Variants in XRN1 observed in about 807,000 individuals in gnomAD.
XRN1 encodes strand-exchange protein 1 homolog.
XRN1 carries 67 observed loss-of-function variants against 222.3 expected under a neutral mutation model. The ratio of observed to expected loss-of-function variants is 0.30; its 90% CI spans 0.25 to 0.37. The LOEUF (loss-of-function observed/expected upper bound fraction) is 0.37. XRN1 is among the 10% of genes least tolerant of loss of function. XRN1 has a pLI of 1.00. For synonymous variants in XRN1, 643 were observed against 652.4 expected (o/e 0.99, Z 0.22); for missense variants, 1,707 against 2,000.2 (o/e 0.85, Z 2.80).
chr3:142,431,932 AT>A (rs1469237549), intron 2 of XRN1, among the ~76,000 whole-genome samples: 1 of 95,188 alleles, frequency 1.1e-5, no homozygotes, highest in Non-Finnish European at 1.9e-5. Flanking sequence ...AATATAATAT[AT>A]TGTATATATT....
intron 20 of XRN1, among the ~76,000 whole-genome samples, chr3:142,391,729 G>A (rs1366361728): frequency 2.7e-4 from 29 of 106,284 alleles, no homozygotes; most frequent in Admixed American, 5.8e-4. Context: ...GTAAGACCCC[G>A]TCTCACTAAA....
rs889806976 is a variant in XRN1 at position 142,397,320 on chromosome 3, G to A, written c.2339+9C>T. 8.3e-6 allele frequency: 13 copies of A among 1,570,638 alleles called. No homozygotes were observed. Among genetic ancestry groups the A allele is most frequent in the South Asian group, 1.2e-5 (1 of 82,762 alleles). On this transcript the variant is annotated intron_variant, in intron 20 of 40. Coordinates refer to ENST00000392981, the MANE Select transcript of XRN1 (RefSeq NM_001282857.2). Reference sequence around the variant, plus strand: ...TTCCATGATATTAAATACTTTTAACGATACTCACTGTTCTGAAATTCCTTG... The same window carrying A: ...TTCCATGATATTAAATACTTTTAACAATACTCACTGTTCTGAAATTCCTTG...
intron 1 of XRN1, among the ~76,000 whole-genome samples, chr3:142,436,748 A>G (rs1296217932): frequency 2.0e-5 from 3 of 152,202 alleles, no homozygotes; most frequent in East Asian, 3.8e-4. Context: ...AATATATATC[A>G]TCAAGTGACA....
chr3:142,328,035 GTA>G (rs2065569591), intron 37 of XRN1, among the ~76,000 whole-genome samples: 1 of 152,084 alleles, frequency 6.6e-6, no homozygotes, highest in South Asian at 2.1e-4. Flanking sequence ...ATTCCATTGT[GTA>G]TATATACACC....
rs1293240092 is a variant in XRN1 at position 142,414,232 on chromosome 3, T to C, written c.1496A>G (p.Lys499Arg). The change falls in exon 14 of 41, where the codon AAA (lysine) becomes AGA (arginine). Residue 499 changes from lysine to arginine, a missense_variant. Lys to Arg is a conservative substitution (Grantham distance 26). This residue lies in a region of XRN1 where 1,234 missense variants were observed against 1,518.2 expected (regional missense o/e 0.81). Coordinates refer to ENST00000392981, the MANE Select transcript of XRN1 (RefSeq NM_001282857.2). ...AGGTTTTCCTAGTTCAAAATGGATTTTGAGTGTACTGATGTTGTGTATATC... is the reference window on the plus strand; with the variant it reads ...AGGTTTTCCTAGTTCAAAATGGATTCTGAGTGTACTGATGTTGTGTATATC... ...LSDIHNISTLKIHFELGKPFK... is the reference protein window; with the variant it reads ...LSDIHNISTLRIHFELGKPFK... The C allele has an allele frequency of 6.2e-7, 1 of 1,613,896 alleles. No homozygotes were observed. Among genetic ancestry groups the C allele is most frequent in the Admixed American group, 1.7e-5 (1 of 59,984 alleles).
At chr3:142,315,255 C>T (rs1307300317) in intron 39 of XRN1, among the ~76,000 whole-genome samples, 1 of 151,708 alleles carries the variant, frequency 6.6e-6, no homozygotes, top group Non-Finnish European at 1.5e-5. Context: ...AAAGCCCATG[C>T]TTTTGTTACT....
Position 142,447,766 on chromosome 3 carries a change from C to T in XRN1, c.75+104G>A. The T allele has an allele frequency of 2.3e-6, 3 of 1,325,280 alleles. No individual in the cohort carries two copies. The highest frequency in any genetic ancestry group is 2.3e-5 in the East Asian group (1 of 42,748). 82.1% of individuals were successfully genotyped at this position (1,325,280 alleles called of 1,614,324 possible). A position where few individuals can be genotyped will look rare whatever the true frequency, so the allele number is the denominator to read the frequency against. ...TCCCTAATGCCACTAATCGTCCAGA[C>T]GACGAGGGGAAAGAGGTGGCTCGAA... On this transcript the variant is annotated intron_variant, in intron 1 of 40. Coordinates refer to ENST00000392981, the MANE Select transcript of XRN1 (RefSeq NM_001282857.2). The surrounding 1 kb of genome is among the most constrained non-coding windows in gnomAD (Gnocchi z 4.2).
intron 1 of XRN1, among the ~76,000 whole-genome samples, chr3:142,436,264 G>A (rs751763219): frequency 1.2e-4 from 18 of 151,956 alleles, no homozygotes; most frequent in Admixed American, 5.9e-4. Context: ...AGGGCTTTGG[G>A]GAAGCACATA....
At chr3:142,366,613 AAGG>A (rs1179063006) in intron 27 of XRN1, among the ~76,000 whole-genome samples, 1 of 152,172 alleles carries the variant, frequency 6.6e-6, no homozygotes, top group Non-Finnish European at 1.5e-5. Context: ...TGAAGCAGTT[AAGG>A]AGGACAGCAG....
chr3:142,325,692 A>C (rs1328749380), intron 37 of XRN1, among the ~76,000 whole-genome samples: 1 of 151,924 alleles, frequency 6.6e-6, no homozygotes, highest in East Asian at 1.9e-4. Context: ...CCGTTTATGC[A>C]TTTTTGCTTT....
chr3:142,426,748 T>C lies in XRN1; in HGVS notation c.402A>G (p.Thr134=). 1 of 1,612,168 alleles carries C rather than the reference T, an allele frequency of 6.2e-7. No individual in the cohort carries two copies. Among genetic ancestry groups the C allele is most frequent in the Non-Finnish European group, 8.5e-7 (1 of 1,179,082 alleles). The change falls in exon 3 of 41, where the codon ACA becomes ACG. Residue 134 remains threonine (T), a synonymous_variant. Transcript: ENST00000392981. The part of the protein sequence containing the change: ...TEARFDSNCI[T]PGTEFMARLH... ...TTTGTCTCTCAGTGAATTTACCTGG[T>C]GTGATACAGTTGGAATCAAATCTGG...
chr3:142,431,987 T>TAC (rs1443710366), intron 2 of XRN1, among the ~76,000 whole-genome samples: 2 of 86,436 alleles, frequency 2.3e-5, no homozygotes, highest in Non-Finnish European at 2.1e-5. Flanking sequence ...ATATATTATA[T>TAC]AATATATTGT....
At chr3:142,404,281 C>T (rs924993698) in intron 16 of XRN1, among the ~76,000 whole-genome samples, 1 of 152,050 alleles carries the variant, frequency 6.6e-6, no homozygotes, top group Admixed American at 6.5e-5. Flanking sequence ...ATCTCTATAT[C>T]CTCCATGTTC....
At chr3:142,437,881 A>C (rs1404228475) in intron 1 of XRN1, among the ~76,000 whole-genome samples, 1 of 152,228 alleles carries the variant, frequency 6.6e-6, no homozygotes, top group Admixed American at 6.5e-5. Context: ...AAAATGGGCA[A>C]AAGATCTGAA....
intron 27 of XRN1, among the ~76,000 whole-genome samples, chr3:142,365,756 A>C (rs1360253103): frequency 2.0e-5 from 3 of 152,198 alleles, no homozygotes; most frequent in Non-Finnish European, 4.4e-5. Flanking sequence ...TTCCAGAAGT[A>C]ACCTTACTTC....
At position 142,312,627 on chromosome 3, in the gene XRN1, C is replaced by T; in HGVS notation, c.4753G>A (p.Gly1585Ser). Residue 1585 changes from glycine to serine, a missense_variant, in exon 40 of 41, where the codon GGT (glycine) becomes AGT (serine). Physicochemically the swap from Gly to Ser is moderately conservative, Grantham distance 56. Coordinates refer to ENST00000392981, the MANE Select transcript of XRN1 (RefSeq NM_001282857.2). ...TMPMAGGIPG[G>S]VHNQFIPLQV... Reference sequence around the variant, plus strand: ...AGAGGTATAAACTGATTGTGCACACCCCCTGGTATTCCCCCAGCCATGGGC... The same window carrying T: ...AGAGGTATAAACTGATTGTGCACACTCCCTGGTATTCCCCCAGCCATGGGC... 1.2e-6 allele frequency: 2 copies of T among 1,612,620 alleles called. No homozygotes were observed. The highest frequency in any genetic ancestry group is 1.7e-6 in the Non-Finnish European group (2 of 1,179,146).
chr3:142,403,903 C>T lies in XRN1; in HGVS notation c.1970G>A (p.Cys657Tyr). Reference protein sequence around the residue: ...TRIDQKALYFCGFPTLKHIRH... With the variant: ...TRIDQKALYFYGFPTLKHIRH... Reference sequence around the variant, plus strand: ...GATGTGTTTCAGAGTAGGAAATCCACAGAAATATAATGCTTTCTGGTCAAT... The same window carrying T: ...GATGTGTTTCAGAGTAGGAAATCCATAGAAATATAATGCTTTCTGGTCAAT... The change falls in exon 17 of 41, where the codon TGT becomes TAT. Residue 657 changes from cysteine to tyrosine, a missense_variant. By Grantham distance (194) the Cys-to-Tyr change is radical. This residue lies in a region of XRN1 where 1,234 missense variants were observed against 1,518.2 expected (regional missense o/e 0.81). Transcript: ENST00000392981. 6.2e-7 allele frequency: 1 copy of T among 1,613,270 alleles called. No individual in the cohort carries two copies. Among genetic ancestry groups the T allele is most frequent in the Non-Finnish European group, 8.5e-7 (1 of 1,179,558 alleles).
chr3:142,409,463 G>A (rs1057103384), intron 15 of XRN1, among the ~76,000 whole-genome samples: 2 of 152,144 alleles, frequency 1.3e-5, no homozygotes, highest in Non-Finnish European at 2.9e-5. Context: ...TGCCTTAATT[G>A]AAGATGAATT....
intron 31 of XRN1, 135 bp downstream of exon 31, chr3:142,356,777 T>A: frequency 1.2e-6 from 1 of 808,262 alleles, no homozygotes; most frequent in South Asian, 1.8e-5. Flanking sequence ...TATCTTAAAT[T>A]TGGAATTGAC....
Sources: gnomAD v4.1 joint callset for allele counts (sites outside exome capture counted in the v4.1 genomes callset) on GRCh38, gnomAD v4.1.1 for gene constraint, gnomAD v4.1.1 regional missense constraint, Gnocchi (gnomAD v3.1) non-coding constraint, MANE v1.5 for transcripts, NCBI Gene and HGNC (gene_info 2026-07-23, HGNC 2026-07-21) for gene names.